Variants in OR6N1 observed in about 807,000 individuals in gnomAD.
The protein encoded by OR6N1 is olfactory receptor family 6 subfamily N member 1, also known as olfactory receptor 6N1.
For synonymous variants in OR6N1, 170 were observed against 150.7 expected (o/e 1.13, Z -0.94); for missense variants, 394 against 371.7 (o/e 1.06, Z -0.49).
the OR6N1 span, among the ~76,000 whole-genome samples, chr1:158,818,522 T>C: frequency 6.6e-5 from 10 of 152,176 alleles, no homozygotes; most frequent in Non-Finnish European, 1.5e-4. Context: ...AGGAGCTTGC[T>C]TGAGTGGGGA....
the OR6N1 span, among the ~76,000 whole-genome samples, chr1:158,816,084 G>A: frequency 2.6e-5 from 4 of 151,756 alleles, no homozygotes; most frequent in African/African-American, 9.7e-5. Flanking sequence ...TGTGAACCCA[G>A]GAGGTGGATC....
the OR6N1 span, among the ~76,000 whole-genome samples, chr1:158,778,633 C>T: frequency 6.6e-6 from 1 of 152,082 alleles, no homozygotes; most frequent in African/African-American, 2.4e-5. Context: ...ACTATTCTGA[C>T]CTCAAGCTCG....
chr1:158,836,139 T>G, the OR6N1 span, among the ~76,000 whole-genome samples: 1 of 135,282 alleles, frequency 7.4e-6, no homozygotes, highest in African/African-American at 2.6e-5. Flanking sequence ...GCTAGCATTT[T>G]GTAAAAAAAA....
At chr1:158,836,278 T>G in the OR6N1 span, among the ~76,000 whole-genome samples, 5 of 152,050 alleles carry the variant, frequency 3.3e-5, no homozygotes, top group African/African-American at 4.8e-5. Flanking sequence ...TTTCAAATTT[T>G]GAAAGACTTT....
upstream of OR6N1, among the ~76,000 whole-genome samples, chr1:158,773,042 A>C (rs903561508): frequency 1.3e-5 from 2 of 152,142 alleles, no homozygotes; most frequent in Admixed American, 1.3e-4. Context: ...AATGTAAAAA[A>C]AAGTACTTAC....
the OR6N1 span, among the ~76,000 whole-genome samples, chr1:158,791,315 T>G: frequency 6.6e-6 from 1 of 152,208 alleles, no homozygotes; most frequent in East Asian, 1.9e-4. Flanking sequence ...TGTCATTTAT[T>G]TGAAAAAAAT....
the OR6N1 span, among the ~76,000 whole-genome samples, chr1:158,781,913 C>T: frequency 6.6e-6 from 1 of 152,226 alleles, no homozygotes; most frequent in African/African-American, 2.4e-5. Context: ...TCCCATTGTA[C>T]ATTTGAGAAA....
At chr1:158,816,413 T>G in the OR6N1 span, among the ~76,000 whole-genome samples, 1 of 152,074 alleles carries the variant, frequency 6.6e-6, no homozygotes, top group Non-Finnish European at 1.5e-5. Context: ...TTGCCCAGGC[T>G]GGGAGCAGTG....
chr1:158,790,508 C>T, the OR6N1 span, among the ~76,000 whole-genome samples: 1 of 151,230 alleles, frequency 6.6e-6, no homozygotes, highest in Non-Finnish European at 1.5e-5. Flanking sequence ...GGGTTCATGC[C>T]ATTCTCCTGC....
chr1:158,819,553 T>C, the OR6N1 span, among the ~76,000 whole-genome samples: 9 of 152,166 alleles, frequency 5.9e-5, no homozygotes, highest in Non-Finnish European at 1.0e-4. Context: ...AGTTAGTTGC[T>C]TGACTCCTTC....
the OR6N1 span, among the ~76,000 whole-genome samples, chr1:158,833,100 T>C: frequency 1.1e-4 from 16 of 152,282 alleles, no homozygotes; most frequent in South Asian, 2.9e-3. Context: ...AGTATGTTCA[T>C]ATAGTTCCTG....
At chr1:158,811,011 T>G in the OR6N1 span, among the ~76,000 whole-genome samples, 1 of 152,162 alleles carries the variant, frequency 6.6e-6, no homozygotes, top group Non-Finnish European at 1.5e-5. Context: ...ATTAGTTACT[T>G]TTTCTGATCC....
At chr1:158,770,900 T>A (rs1657409737) in intron 1 of OR6N1, among the ~76,000 whole-genome samples, 1 of 152,194 alleles carries the variant, frequency 6.6e-6, no homozygotes, top group African/African-American at 2.4e-5. Flanking sequence ...TTTACAACTG[T>A]CCTTTCCAAT....
chr1:158,764,791 T>C lies in OR6N1; in HGVS notation c.*953A>G, dbSNP rs979744814. ...GGTTCGATGTAAAAAGTAATCCTAT[T>C]TCTTTCCACTGACTCAACTCCTATA... On this transcript the variant is annotated 3_prime_UTR_variant, in exon 2 of 2. Transcript: ENST00000641846. 2 of 152,150 alleles carry C rather than the reference T, an allele frequency of 1.3e-5. No homozygotes were observed. Among genetic ancestry groups the C allele is most frequent in the Non-Finnish European group, 2.9e-5 (2 of 67,998 alleles). The allele number at this position is 152,150 out of a possible 1,614,324, so 9.4% of individuals were successfully genotyped here.
upstream of OR6N1, chr1:158,776,406 C>T (rs569037693): frequency 1.0e-4 from 26 of 260,626 alleles, no homozygotes; most frequent in East Asian, 1.9e-3. Context: ...ACAGAGAAAT[C>T]GATCTCTAGC....
rs1657255531 is a variant in OR6N1 at position 158,766,168 on chromosome 1, T to C, written c.515A>G (p.Asn172Ser). Residue 172 changes from asparagine to serine, a missense_variant, in exon 2 of 2, where the codon AAT becomes AGT. Coordinates refer to ENST00000641846, the MANE Select transcript of OR6N1 (RefSeq NM_001005185.2). Reference sequence around the variant, plus strand: ...GTCACAAAAGACGTGCTGAATGCGATTGGGGCCACAGAATGGGAGGCGTGA... The same window carrying C: ...GTCACAAAAGACGTGCTGAATGCGACTGGGGCCACAGAATGGGAGGCGTGA... ...LISRLPFCGP[N>S]RIQHVFCDFP... 5.0e-6 allele frequency: 8 copies of C among 1,614,130 alleles called. No individual in the cohort carries two copies. Among genetic ancestry groups the C allele is most frequent in the Non-Finnish European group, 6.8e-6 (8 of 1,180,020 alleles).
chr1:158,822,359 G>A, the OR6N1 span, among the ~76,000 whole-genome samples: 1 of 152,116 alleles, frequency 6.6e-6, no homozygotes, highest in Non-Finnish European at 1.5e-5. Flanking sequence ...CCATGTGTTT[G>A]TGTCATCTCT....
At chr1:158,828,000 A>AT in the OR6N1 span, among the ~76,000 whole-genome samples, 16 of 152,296 alleles carry the variant, frequency 1.1e-4, no homozygotes, top group African/African-American at 3.8e-4. Context: ...GGCAACTCCC[A>AT]TTTTTTAAAA....
chr1:158,766,065 C>G lies in OR6N1; in HGVS notation c.618G>C (p.Lys206Asn). ...GGATCAGCAGGAAGGTGGCTAGGATCTTGCAGGAATTTATAACAAAATCTA... is the reference window on the plus strand; with the variant it reads ...GGATCAGCAGGAAGGTGGCTAGGATGTTGCAGGAATTTATAACAAAATCTA... ...VLVDFVINSC[K>N]ILATFLLILC... Residue 206 changes from lysine (K) to asparagine (N), a missense_variant, in exon 2 of 2, where the codon AAG (lysine) becomes AAC (asparagine). Lys to Asn is a moderately conservative substitution (Grantham distance 94). Transcript: ENST00000641846. 6.2e-7 allele frequency: 1 copy of G among 1,614,180 alleles called. No homozygotes were observed.
Sources: allele counts gnomAD v4.1 joint callset (sites outside exome capture counted in the v4.1 genomes callset), GRCh38; gene constraint gnomAD v4.1.1; transcripts MANE v1.5; gene names NCBI Gene and HGNC (gene_info 2026-07-23, HGNC 2026-07-21).